TYW1B: variants seen among roughly 807,000 people sequenced by gnomAD.
TYW1B encodes the protein S-adenosyl-L-methionine-dependent tRNA 4-demethylwyosine synthase TYW1B.
In TYW1B, 73 loss-of-function variants were observed where a neutral mutation model predicts 86.9. That is an observed-to-expected ratio of 0.84 (90% CI 0.70 to 1.02). The LOEUF (loss-of-function observed/expected upper bound fraction) is 1.02. Ranked by LOEUF, TYW1B falls within the 50% of genes least tolerant of loss-of-function variation. The pLI is 0.00. For synonymous variants in TYW1B, 248 were observed against 292.8 expected (o/e 0.85, Z 1.56); for missense variants, 637 against 827.4 (o/e 0.77, Z 2.82).
At chr7:72,734,464 T>G (rs1247882222) in intron 8 of TYW1B, among the ~76,000 whole-genome samples, 1 of 152,032 alleles carries the variant, frequency 6.6e-6, no homozygotes, top group Non-Finnish European at 1.5e-5. Flanking sequence ...CAAAACAGAT[T>G]AACAACATAC....
At chr7:72,701,501 C>T (rs1307950471) in intron 10 of TYW1B, among the ~76,000 whole-genome samples, 1 of 152,128 alleles carries the variant, frequency 6.6e-6, no homozygotes, top group African/African-American at 2.4e-5. Flanking sequence ...TGGCCTCAAA[C>T]AACCCTCCCG....
intron 13 of TYW1B, among the ~76,000 whole-genome samples, chr7:72,588,225 G>A: frequency 6.6e-6 from 1 of 152,224 alleles, no homozygotes; most frequent in Non-Finnish European, 1.5e-5. Context: ...ATAGCCAAGT[G>A]CAATTCTAAA....
chr7:72,600,673 C>T (rs1214310913), intron 13 of TYW1B, among the ~76,000 whole-genome samples: 1 of 152,142 alleles, frequency 6.6e-6, no homozygotes, highest in African/African-American at 2.4e-5. Context: ...AACCAACTAC[C>T]AGCCTAGGCA....
At chr7:72,655,693 C>T (rs1813184720) in intron 11 of TYW1B, among the ~76,000 whole-genome samples, 1 of 152,194 alleles carries the variant, frequency 6.6e-6, no homozygotes, top group Non-Finnish European at 1.5e-5. Flanking sequence ...GAGCTACCTG[C>T]CTAGGGCCAT....
At chr7:72,723,224 C>T in intron 9 of TYW1B, 1 of 358,874 alleles carries the variant, frequency 2.8e-6, no homozygotes, top group Non-Finnish European at 5.1e-6. Flanking sequence ...TTCCCCTGGT[C>T]CCCTGTCCCT....
chr7:72,814,369 G>A (rs1476271472), intron 3 of TYW1B, among the ~76,000 whole-genome samples: 1 of 151,982 alleles, frequency 6.6e-6, no homozygotes, highest in African/African-American at 2.4e-5. Flanking sequence ...CGGATCACGA[G>A]GTCAGGAGAT....
At chr7:72,626,814 T>A in intron 12 of TYW1B, among the ~76,000 whole-genome samples, 1 of 151,974 alleles carries the variant, frequency 6.6e-6, no homozygotes, top group Non-Finnish European at 1.5e-5. Context: ...GTGACTGTTG[T>A]GCCTACTCTA....
intron 9 of TYW1B, among the ~76,000 whole-genome samples, chr7:72,720,985 G>A (rs1295068390): frequency 5.5e-5 from 8 of 145,064 alleles, no homozygotes; most frequent in African/African-American, 2.1e-4. Flanking sequence ...ACCTATGAGT[G>A]AGAACATGCG....
intron 13 of TYW1B, among the ~76,000 whole-genome samples, chr7:72,578,780 G>A (rs1255127874): frequency 6.6e-6 from 1 of 152,230 alleles, no homozygotes; most frequent in Non-Finnish European, 1.5e-5. Context: ...GGCACTTGGG[G>A]AGTACAGGGA....
At position 72,700,747 on chromosome 7, in the gene TYW1B, T is replaced by C. The variant is rs1332619864; in HGVS notation, c.1371-5925A>G. On this transcript the variant is annotated intron_variant, in intron 10 of 13. Coordinates refer to ENST00000620995, the MANE Select transcript of TYW1B (RefSeq NM_001145440.3). The stretch of plus-strand genomic sequence containing the variant: ...CAGTGATAGTCTATTTGATGAGTCA[T>C]CATTTTCATACTTTTGTTTCTTTGA... 1.3e-4 allele frequency among the ~76,000 whole-genome samples: 20 copies of C among 152,170 alleles called. 1 individual carries two copies. The highest frequency in any genetic ancestry group is 4.8e-4 in the African/African-American group (20 of 41,444).
intron 9 of TYW1B, among the ~76,000 whole-genome samples, chr7:72,718,956 C>T (rs1786841079): frequency 6.6e-6 from 1 of 152,082 alleles, no homozygotes; most frequent in African/African-American, 2.4e-5. Context: ...GGTCAAGCCT[C>T]TCCCACCCTC....
Position 72,694,830 on chromosome 7 carries a change from A to AT in TYW1B, c.1371-9dup, listed in dbSNP as rs781826487. Reference sequence around the variant, plus strand: ...GTAACTGGCTCGAGGTTCCTTAGTAATTTTTTTTTTTAAAGGAAGAAAGAA... The same window carrying AT: ...GTAACTGGCTCGAGGTTCCTTAGTAATTTTTTTTTTTTAAAGGAAGAAAGAA... On this transcript the variant is annotated splice_polypyrimidine_tract_variant and intron_variant, in intron 10 of 13. Coordinates refer to ENST00000620995, the MANE Select transcript of TYW1B (RefSeq NM_001145440.3). The AT allele has an allele frequency of 1.8e-3, 2,345 of 1,291,794 alleles. No homozygotes were observed. The highest frequency in any genetic ancestry group is 6.6e-3 in the South Asian group (430 of 65,556). 80.0% of individuals were successfully genotyped at this position (1,291,794 alleles called of 1,614,324 possible). A position where few individuals can be genotyped will look rare whatever the true frequency, so the allele number is the denominator to read the frequency against.
chr7:72,663,127 A>T (rs1180945134), intron 11 of TYW1B, among the ~76,000 whole-genome samples: 2 of 146,732 alleles, frequency 1.4e-5, no homozygotes, highest in Non-Finnish European at 3.0e-5. Context: ...GAAGAAATTA[A>T]GGAGGATGAA....
In TYW1B at chr7:72,578,118, T is replaced by TC. The variant is rs1223075191; in HGVS notation, c.1786-2400_1786-2399insG. ...GCCCAGCCTCTCTTCCTCACCATTT[T>TC]TTTTTTTTTTTTTGAGACGGAGTCT... On this transcript the variant is annotated intron_variant, in intron 13 of 13. Coordinates refer to ENST00000620995, the MANE Select transcript of TYW1B (RefSeq NM_001145440.3). 7.7e-4 allele frequency among the ~76,000 whole-genome samples: 116 copies of TC among 150,446 alleles called. 1 individual carries two copies. In the East Asian group the frequency reaches 0.017, roughly 22 times the overall value.
At chr7:72,670,458 C>T (rs1813571009) in intron 11 of TYW1B, among the ~76,000 whole-genome samples, 1 of 152,150 alleles carries the variant, frequency 6.6e-6, no homozygotes, top group South Asian at 2.1e-4. Context: ...CCCAAAGTGC[C>T]AGGATTACAG....
intron 13 of TYW1B, among the ~76,000 whole-genome samples, chr7:72,615,024 G>A (rs1398493006): frequency 2.6e-5 from 4 of 152,172 alleles, no homozygotes; most frequent in Admixed American, 6.5e-5. Context: ...GTCAACAAGT[G>A]GCAGTGTAAG....
At chr7:72,712,042 G>T (rs2129570696) in intron 10 of TYW1B, among the ~76,000 whole-genome samples, 1 of 152,096 alleles carries the variant, frequency 6.6e-6, no homozygotes, top group Middle Eastern at 3.4e-3. Context: ...GTTACAGCAT[G>T]TGCCTAGTCC....
At chr7:72,771,462 C>T (rs1787867236) in intron 7 of TYW1B, among the ~76,000 whole-genome samples, 1 of 152,110 alleles carries the variant, frequency 6.6e-6, no homozygotes, top group Non-Finnish European at 1.5e-5. Flanking sequence ...TTTAAAGAAT[C>T]ATTTAAAAAT....
chr7:72,689,684 T>C (rs1288407867), intron 11 of TYW1B, among the ~76,000 whole-genome samples: 1 of 152,176 alleles, frequency 6.6e-6, no homozygotes, highest in East Asian at 1.9e-4. Flanking sequence ...AAAAGTAACA[T>C]ATAAGATGGA....
Sources: gnomAD v4.1 joint callset for allele counts (sites outside exome capture counted in the v4.1 genomes callset) on GRCh38, gnomAD v4.1.1 for gene constraint, MANE v1.5 for transcripts, NCBI Gene and HGNC (gene_info 2026-07-23, HGNC 2026-07-21) for gene names.